The following RAB3C variants were observed in gnomAD, a reference collection of about 807,000 sequenced individuals.
RAB3C encodes the protein ras-related protein Rab-3C.
A neutral mutation model predicts 26.4 loss-of-function variants in RAB3C; 17 were observed. That is an observed-to-expected ratio of 0.64 (90% CI 0.44 to 0.97). RAB3C has a LOEUF of 0.97. RAB3C is among the 50% of genes least tolerant of loss of function. The pLI is 0.00. For synonymous variants in RAB3C, 91 were observed against 95.9 expected (o/e 0.95, Z 0.30); for missense variants, 242 against 281.9 (o/e 0.86, Z 1.01).
At chr5:58,715,084 C>A (rs1325274462) in intron 2 of RAB3C, among the ~76,000 whole-genome samples, 5 of 151,848 alleles carry the variant, frequency 3.3e-5, no homozygotes, top group African/African-American at 1.2e-4. Flanking sequence ...GTGAGATAAC[C>A]AAAGTCACTT....
intron 3 of RAB3C, among the ~76,000 whole-genome samples, chr5:58,803,738 C>G (rs1341700309): frequency 3.9e-5 from 6 of 152,124 alleles, no homozygotes; most frequent in African/African-American, 1.4e-4. Context: ...TTTAAAAGAA[C>G]TCAGTCTGTT....
At chr5:58,759,399 C>T (rs916718345) in intron 3 of RAB3C, among the ~76,000 whole-genome samples, 1 of 152,178 alleles carries the variant, frequency 6.6e-6, no homozygotes, top group Non-Finnish European at 1.5e-5. Context: ...AAGTTAGGCA[C>T]ATATACCTGG....
chr5:58,825,635 T>C (rs753317821), intron 4 of RAB3C, among the ~76,000 whole-genome samples: 150 of 152,164 alleles, frequency 9.9e-4, no homozygotes, highest in Non-Finnish European at 3.4e-4. Context: ...CTTTTGAGAC[T>C]TAGTCACCCC....
chr5:58,698,250 G>A (rs1021132460), intron 2 of RAB3C, among the ~76,000 whole-genome samples: 2 of 152,106 alleles, frequency 1.3e-5, no homozygotes, highest in African/African-American at 4.8e-5. Context: ...TTGAATATCG[G>A]CCCCCACTCT....
intron 2 of RAB3C, among the ~76,000 whole-genome samples, chr5:58,665,226 A>T (rs987140002): frequency 1.3e-5 from 2 of 152,204 alleles, no homozygotes; most frequent in African/African-American, 4.8e-5. Context: ...GCACAAAAAA[A>T]ATCATTATAT....
In RAB3C at chr5:58,615,715, A is replaced by G. The variant is rs184078568; in HGVS notation, c.25-1928A>G. Among the ~76,000 whole-genome samples the G allele has an allele frequency of 1.5e-3, 227 of 152,254 alleles. 1 individual carries two copies. Among genetic ancestry groups the G allele is most frequent in the Admixed American group, 2.3e-3 (35 of 15,268 alleles). ...GAAGCGTTTGTTATAGGTTTTCACA[A>G]TTTCTAAATATATTTGTGTGGCTGT... On this transcript the variant is annotated intron_variant, in intron 1 of 4. Transcript: ENST00000282878.
chr5:58,849,928 G>A lies in RAB3C; in HGVS notation c.497-1236G>A, dbSNP rs185090974. 7.5e-4 allele frequency among the ~76,000 whole-genome samples: 114 copies of A among 152,324 alleles called. 1 individual carries two copies. The highest frequency in any genetic ancestry group is 2.2e-3 in the African/African-American group (91 of 41,572). On this transcript the variant is annotated intron_variant, in intron 4 of 4. Coordinates refer to ENST00000282878, the MANE Select transcript of RAB3C (RefSeq NM_138453.4). ...CCCAGGAGCTGGGATGAAATCACAT[G>A]ATTTCATCATTTTGAATCCATGCGG... is the stretch of plus-strand genomic sequence containing the variant.
chr5:58,594,547 T>A (rs1746205189), intron 1 of RAB3C, among the ~76,000 whole-genome samples: 2 of 152,116 alleles, frequency 1.3e-5, no homozygotes, highest in Non-Finnish European at 2.9e-5. Flanking sequence ...AGTTATACAA[T>A]TTGGAAACAA....
At chr5:58,681,185 G>A (rs926846745) in intron 2 of RAB3C, among the ~76,000 whole-genome samples, 2 of 152,132 alleles carry the variant, frequency 1.3e-5, no homozygotes, top group African/African-American at 4.8e-5. Flanking sequence ...GAAGGAAATA[G>A]TGAGGCACTG....
chr5:58,700,524 C>A (rs144956738), intron 2 of RAB3C, among the ~76,000 whole-genome samples: 222 of 152,256 alleles, frequency 1.5e-3, no homozygotes, highest in African/African-American at 5.1e-3. Context: ...AATGGATAAG[C>A]TTGAGAATGT....
chr5:58,763,785 G>T (rs1241040057), intron 3 of RAB3C, among the ~76,000 whole-genome samples: 2 of 152,194 alleles, frequency 1.3e-5, no homozygotes, highest in African/African-American at 4.8e-5. Flanking sequence ...TTTCACTCTA[G>T]CAAAGCAGAA....
chr5:58,597,700 A>G (rs1364568126), intron 1 of RAB3C, among the ~76,000 whole-genome samples: 1 of 112,702 alleles, frequency 8.9e-6, no homozygotes, highest in Non-Finnish European at 2.0e-5. Context: ...ATATATAAGT[A>G]TATAATATAA....
intron 2 of RAB3C, among the ~76,000 whole-genome samples, chr5:58,682,696 G>GAAAAAA (rs548127913): frequency 9.1e-4 from 67 of 73,914 alleles, no homozygotes; most frequent in Non-Finnish European, 1.8e-3. Context: ...AAAGAAAAAA[G>GAAAAAA]AAAAAAAAAA....
intron 3 of RAB3C, among the ~76,000 whole-genome samples, chr5:58,755,115 G>A (rs566309524): frequency 3.6e-4 from 55 of 152,294 alleles, no homozygotes; most frequent in African/African-American, 1.3e-3. Flanking sequence ...AGCCACATGA[G>A]GCTTGTAACG....
At chr5:58,691,567 A>G (rs144639981) in intron 2 of RAB3C, among the ~76,000 whole-genome samples, 1,564 of 150,660 alleles carry the variant, frequency 0.01, 11 homozygotes, top group Non-Finnish European at 0.013. Context: ...ATTACCAGGC[A>G]TAATAGACTC....
At chr5:58,689,796 C>T (rs1296344825) in intron 2 of RAB3C, among the ~76,000 whole-genome samples, 1 of 152,116 alleles carries the variant, frequency 6.6e-6, no homozygotes, top group Non-Finnish European at 1.5e-5. Context: ...CTCCTCAAAG[C>T]CCTGAGAGGA....
intron 3 of RAB3C, among the ~76,000 whole-genome samples, chr5:58,810,363 T>TGC (rs1554020113): frequency 1.4e-5 from 1 of 69,106 alleles, no homozygotes; most frequent in Non-Finnish European, 3.7e-5. Context: ...GTACTCTGTG[T>TGC]GCTCTCTCTC....
chr5:58,845,223 T>C (rs902788652), intron 4 of RAB3C, among the ~76,000 whole-genome samples: 1 of 152,094 alleles, frequency 6.6e-6, no homozygotes, highest in Non-Finnish European at 1.5e-5. Context: ...GGTATCAATG[T>C]GAAAAGGCCT....
chr5:58,845,612 A>ATATATATATATATATATATGTG, intron 4 of RAB3C, among the ~76,000 whole-genome samples: 2 of 81,722 alleles, frequency 2.4e-5, no homozygotes, highest in African/African-American at 1.2e-4. Flanking sequence ...ATATATATAT[A>ATATATATATATATATATATGTG]TGTGTGTGTG....
Sources: gnomAD v4.1 joint callset for allele counts (sites outside exome capture counted in the v4.1 genomes callset) on GRCh38, gnomAD v4.1.1 for gene constraint, MANE v1.5 for transcripts, NCBI Gene and HGNC (gene_info 2026-07-23, HGNC 2026-07-21) for gene names.